CCDC180: variants seen among roughly 807,000 people sequenced by gnomAD.
The protein encoded by CCDC180 is coiled-coil domain containing 180.
A neutral mutation model predicts 209.2 loss-of-function variants in CCDC180; 154 were observed. The ratio of observed to expected loss-of-function variants is 0.74; its 90% CI spans 0.65 to 0.84. The LOEUF (loss-of-function observed/expected upper bound fraction) is 0.84, where lower values mean the gene tolerates loss of function less well. Ranked by LOEUF, CCDC180 falls within the 40% of genes least tolerant of loss-of-function variation. The probability of loss-of-function intolerance (pLI) is 0.00; values close to 1 mark genes in which losing one functional copy is unlikely to be tolerated. For synonymous variants in CCDC180, 778 were observed against 749.1 expected (o/e 1.04, Z -0.63); for missense variants, 1,874 against 1,997.3 (o/e 0.94, Z 1.18).
rs199970540 is a variant in CCDC180, at chr9:97,343,377, A to G, written c.2312A>G (p.Tyr771Cys). 64 of 1,612,946 alleles carry G rather than the reference A, an allele frequency of 4.0e-5. No individual in the cohort carries two copies. The highest frequency in any genetic ancestry group is 4.9e-5 in the Non-Finnish European group (58 of 1,179,030). Residue 771 changes from tyrosine (Y) to cysteine (C), a missense_variant, in exon 19 of 37, where the codon TAT becomes TGT. Tyr to Cys is a radical substitution (Grantham distance 194, BLOSUM62 -2). Transcript: ENST00000529487. ...GAAGAGGGTCTAGAGGAGATATACTATGAGGACATGGAGTCCTTCACAATC... is the reference window on the plus strand; with the variant it reads ...GAAGAGGGTCTAGAGGAGATATACTGTGAGGACATGGAGTCCTTCACAATC... ...DKEEGLEEIY[Y>C]EDMESFTISS... is the part of the protein sequence containing the mutation.
intron 11 of CCDC180, 107 bp downstream of exon 11, chr9:97,320,312 G>A: frequency 9.4e-7 from 1 of 1,061,574 alleles, no homozygotes; most frequent in Non-Finnish European, 1.4e-6. Flanking sequence ...GGGGAGGAGG[G>A]ATGGGGGTGT....
rs1266597037 is a variant in CCDC180 at position 97,347,504 on chromosome 9, T to C, written c.2674+15T>C. 2 of 1,533,174 alleles carry C rather than the reference T, an allele frequency of 1.3e-6. No homozygotes were observed. The highest frequency in any genetic ancestry group is 3.9e-5 in the Admixed American group (2 of 50,898). 95.0% of individuals were successfully genotyped at this position (1,533,174 alleles called of 1,614,324 possible). ...CGTCAGGGCAGGTACAGATGCTGCC[T>C]GGGAATGTCTGCCCTGCCCGCAGCC... On this transcript the variant is annotated intron_variant, in intron 20 of 36. Coordinates refer to ENST00000529487, the MANE Select transcript of CCDC180 (RefSeq NM_020893.6).
intron 26 of CCDC180, 30 bp downstream of exon 26, chr9:97,360,131 G>T (rs1826708477): frequency 6.2e-7 from 1 of 1,607,986 alleles, no homozygotes; most frequent in Admixed American, 1.7e-5. Flanking sequence ...GGCAGGAAAG[G>T]GTGGGTGAGC....
At chr9:97,364,684 C>T in intron 29 of CCDC180, 1 of 155,406 alleles carries the variant, frequency 6.4e-6, no homozygotes, top group Non-Finnish European at 1.4e-5. Flanking sequence ...AGAAGGATGG[C>T]TGTGACATCA....
rs1480032154 is a variant in CCDC180 at position 97,330,360 on chromosome 9, C to G, written c.1867C>G (p.Leu623Val). The change falls in exon 18 of 37, where the codon CTG becomes GTG. Residue 623 changes from leucine (L) to valine (V), a missense_variant. By Grantham distance (32) the Leu-to-Val change is conservative. Transcript: ENST00000529487. The part of the protein sequence containing the change: ...EKPSQKRVKK[L>V]RKKQGSKEDM... ...ACCCTCCCAGAAGAGAGTGAAAAAA[C>G]TGAGGAAGAAGCAAGGGTCTAAAGA... The G allele has an allele frequency of 1.9e-6, 3 of 1,613,902 alleles. No individual in the cohort carries two copies. Among genetic ancestry groups the G allele is most frequent in the Non-Finnish European group, 8.5e-7 (1 of 1,180,032 alleles).
chr9:97,316,099 T>G (rs1237469596), intron 8 of CCDC180, among the ~76,000 whole-genome samples: 8 of 152,220 alleles, frequency 5.3e-5, no homozygotes, highest in African/African-American at 1.9e-4. Flanking sequence ...CGAGGGCTCC[T>G]AAGTTGTGCA....
chr9:97,315,023 G>C (rs994089784), intron 8 of CCDC180, 77 bp downstream of exon 8: 7 of 1,051,206 alleles, frequency 6.7e-6, no homozygotes, highest in Non-Finnish European at 1.0e-5. Flanking sequence ...CCCGAGCCTG[G>C]TGTCTGGTGT....
chr9:97,319,724 A>G (rs1393582775), intron 10 of CCDC180, among the ~76,000 whole-genome samples: 1 of 152,160 alleles, frequency 6.6e-6, no homozygotes, highest in African/African-American at 2.4e-5. Flanking sequence ...TTAGTTTTCT[A>G]CTGTTGATGT....
At chr9:97,370,390 C>T (rs1827046671) in intron 32 of CCDC180, among the ~76,000 whole-genome samples, 1 of 152,132 alleles carries the variant, frequency 6.6e-6, no homozygotes, top group African/African-American at 2.4e-5. Context: ...AACATGGGTA[C>T]TGCTGATTTC....
At position 97,366,497 on chromosome 9, in the gene CCDC180, C is replaced by T. The variant is rs1447852587; in HGVS notation, c.4048-62C>T. Reference sequence around the variant, plus strand: ...GGAGGTGAGGGCAGGCTGGTGGATCCCAGGAGCAAGGGCCAGAGTCCCATG... The same window carrying T: ...GGAGGTGAGGGCAGGCTGGTGGATCTCAGGAGCAAGGGCCAGAGTCCCATG... On this transcript the variant is annotated intron_variant, in intron 30 of 36. Coordinates refer to ENST00000529487, the MANE Select transcript of CCDC180 (RefSeq NM_020893.6). The surrounding 1 kb of genome is among the most constrained non-coding windows in gnomAD (Gnocchi z 4.3). 14 of 1,563,022 alleles carry T rather than the reference C, an allele frequency of 9.0e-6. No homozygotes were observed. The East Asian group carries it at 3.2e-4, about 35-fold the overall frequency.
At position 97,378,415 on chromosome 9, in the gene CCDC180, T is replaced by C. The variant is rs1180015827; in HGVS notation, c.*1521T>C. 2 of 152,240 alleles carry C rather than the reference T, an allele frequency of 1.3e-5. No individual in the cohort carries two copies. The highest frequency in any genetic ancestry group is 2.9e-5 in the Non-Finnish European group (2 of 68,050). The allele number at this position is 152,240 out of a possible 1,614,324, so 9.4% of individuals were successfully genotyped here. The stretch of plus-strand genomic sequence containing the variant: ...ACTTTTCTGACTCTGACCCACTGTA[T>C]AAACATGTTCTAAACACACGGTCCT... On this transcript the variant is annotated 3_prime_UTR_variant, in exon 37 of 37. Coordinates refer to ENST00000529487, the MANE Select transcript of CCDC180 (RefSeq NM_020893.6).
chr9:97,360,368 T>C (rs1317061158), intron 26 of CCDC180, among the ~76,000 whole-genome samples: 2 of 151,946 alleles, frequency 1.3e-5, no homozygotes. Flanking sequence ...GGACCCTCAC[T>C]CACCCTATCC....
chr9:97,314,121 G>GA (rs1833077081), intron 5 of CCDC180, among the ~76,000 whole-genome samples: 1 of 152,340 alleles, frequency 6.6e-6, no homozygotes, highest in African/African-American at 2.4e-5. Flanking sequence ...CGTCTTTAAT[G>GA]AATATTTGTT....
In CCDC180 at chr9:97,349,570, T is replaced by G. The variant is rs148592816; in HGVS notation, c.2855+279T>G. 3.3e-4 allele frequency among the ~76,000 whole-genome samples: 50 copies of G among 152,316 alleles called. No homozygotes were observed. The East Asian group carries it at 8.3e-3, about 25-fold the overall frequency. ...AAATATCAGTGGTGGGGAAGACCAC[T>G]TCCCCTCAGGAAAAATCAGGGAGGG... On this transcript the variant is annotated intron_variant, in intron 21 of 36. Coordinates refer to ENST00000529487, the MANE Select transcript of CCDC180 (RefSeq NM_020893.6).
chr9:97,378,319 G>T lies in CCDC180; in HGVS notation c.*1425G>T, dbSNP rs1272735852. The T allele has an allele frequency of 6.6e-6, 1 of 152,156 alleles. No homozygotes were observed. 9.4% of individuals were successfully genotyped at this position (152,156 alleles called of 1,614,324 possible). On this transcript the variant is annotated 3_prime_UTR_variant, in exon 37 of 37. Transcript: ENST00000529487. The stretch of plus-strand genomic sequence containing the variant: ...TAACATGCATTAGGTTCCATAAACT[G>T]CTTGGTAAATGTTAACTGGATAAAC...
rs1031184555 is a variant in CCDC180 at position 97,362,204 on chromosome 9, A to G, written c.3665A>G (p.Asn1222Ser). 1 of 1,612,186 alleles carries G rather than the reference A, an allele frequency of 6.2e-7. No individual in the cohort carries two copies. The highest frequency in any genetic ancestry group is 8.5e-7 in the Non-Finnish European group (1 of 1,178,522). Residue 1222 changes from asparagine (N) to serine (S), a missense_variant, in exon 28 of 37, where the codon AAC becomes AGC. Asn to Ser is a conservative substitution (Grantham distance 46). Coordinates refer to ENST00000529487, the MANE Select transcript of CCDC180 (RefSeq NM_020893.6). The part of the protein sequence containing the change: ...DVIRKLLQLP[N>S]TKWPTHHCDK... Reference sequence around the variant, plus strand: ...CTTTCCTTTGGTTTCAGACTTCCCAACACAAAATGGCCAACCCACCATTGT... The same window carrying G: ...CTTTCCTTTGGTTTCAGACTTCCCAGCACAAAATGGCCAACCCACCATTGT...
At chr9:97,338,613 T>C (rs1160105710) in intron 18 of CCDC180, among the ~76,000 whole-genome samples, 1 of 152,204 alleles carries the variant, frequency 6.6e-6, no homozygotes, top group African/African-American at 2.4e-5. Context: ...AAGTGCGATG[T>C]GGTGCTGAGA....
At position 97,334,289 on chromosome 9, in the gene CCDC180, A is replaced by AT. The variant is rs1333725243; in HGVS notation, c.2274+3522_2274+3523insT. Among the ~76,000 whole-genome samples the AT allele has an allele frequency of 2.0e-5, 3 of 152,184 alleles. No individual in the cohort carries two copies. In the East Asian group the frequency reaches 5.8e-4, roughly 29 times the overall value. On this transcript the variant is annotated intron_variant, in intron 18 of 36. Transcript: ENST00000529487. ...GCCCTAGGGAGCCGTTATTAGCAAT[A>AT]GCCAGTATTTTAAGGAGTGTTTGTC...
In CCDC180 at chr9:97,325,204, A is replaced by T; in HGVS notation, c.1545+12A>T. ...GCCTGGAGAGCCAGGTGAGACCCACACCCGGGGCTCCATGTTTCACACCAC... is the reference window on the plus strand; with the variant it reads ...GCCTGGAGAGCCAGGTGAGACCCACTCCCGGGGCTCCATGTTTCACACCAC... On this transcript the variant is annotated intron_variant, in intron 14 of 36. Coordinates refer to ENST00000529487, the MANE Select transcript of CCDC180 (RefSeq NM_020893.6). 1 of 1,576,608 alleles carries T rather than the reference A, an allele frequency of 6.3e-7. No homozygotes were observed.
Sources: gnomAD v4.1 joint callset for allele counts (sites outside exome capture counted in the v4.1 genomes callset) on GRCh38, gnomAD v4.1.1 for gene constraint, Gnocchi (gnomAD v3.1) non-coding constraint, MANE v1.5 for transcripts, NCBI Gene and HGNC (gene_info 2026-07-23, HGNC 2026-07-21) for gene names.